Variants in ADNP observed in about 807,000 individuals in gnomAD.
ADNP encodes the protein activity dependent neuroprotector homeobox.
ADNP carries 4 observed loss-of-function variants against 84.9 expected under a neutral mutation model. The ratio of observed to expected loss-of-function variants is 0.05; its 90% confidence interval spans 0.02 to 0.11. The LOEUF is 0.11. Ranked by LOEUF, ADNP falls within the 10% of genes least tolerant of loss-of-function variation. ADNP has a pLI of 1.00. For missense variants in ADNP, 1,132 were observed against 1,326.0 expected (o/e 0.85, Z 2.27); for synonymous variants, 554 against 468.1 (o/e 1.18, Z -2.37).
Position 50,891,169 on chromosome 20 carries a change from T to C in ADNP, c.*236A>G, listed in dbSNP as rs1262840759. Reference sequence around the variant, plus strand: ...GCTTTTCCTCGTGTGTATTCATGAGTCACCAGCTTATTGGTTTTTCACATT... The same window carrying C: ...GCTTTTCCTCGTGTGTATTCATGAGCCACCAGCTTATTGGTTTTTCACATT... On this transcript the variant is annotated 3_prime_UTR_variant, in exon 6 of 6. Coordinates refer to ENST00000621696, the MANE Select transcript of ADNP (RefSeq NM_001282531.3). 5 of 1,298,668 alleles carry C rather than the reference T, an allele frequency of 3.9e-6. No homozygotes were observed. The highest frequency in any genetic ancestry group is 4.9e-6 in the Non-Finnish European group (5 of 1,027,298). The allele number at this position is 1,298,668 out of a possible 1,614,324, so 80.4% of individuals were successfully genotyped here.
chr20:50,899,964 C>G (rs1197643371), intron 5 of ADNP, among the ~76,000 whole-genome samples: 1 of 148,480 alleles, frequency 6.7e-6, no homozygotes, highest in East Asian at 2.0e-4. Flanking sequence ...GGGCAGGTTG[C>G]CGTGTTTGTG....
At chr20:50,901,400 G>A (rs1233376660) in intron 5 of ADNP, among the ~76,000 whole-genome samples, 4 of 143,398 alleles carry the variant, frequency 2.8e-5, no homozygotes, top group Non-Finnish European at 4.5e-5. Flanking sequence ...TAGATGAACA[G>A]ATCATTAATG....
rs1266832093 is a variant in ADNP, at chr20:50,931,250, C to G, written c.-689G>C. Reference sequence around the variant, plus strand: ...GGAGGGGGCACAAGATGGCGGCGGCCGGGGGGGGGGGGGCGGGAGTTCAGC... The same window carrying G: ...GGAGGGGGCACAAGATGGCGGCGGCGGGGGGGGGGGGGGCGGGAGTTCAGC... On this transcript the variant is annotated 5_prime_UTR_variant, in exon 1 of 6. Coordinates refer to ENST00000621696, the MANE Select transcript of ADNP (RefSeq NM_001282531.3). The G allele has an allele frequency of 5.0e-4, 8 of 16,146 alleles. 1 individual carries two copies. The highest frequency in any genetic ancestry group is 3.1e-3 in the African/African-American group (7 of 2,274). The allele number at this position is 16,146 out of a possible 1,614,324, so 1.0% of individuals were successfully genotyped here. A position where few individuals can be genotyped will look rare whatever the true frequency, so the allele number is the denominator to read the frequency against.
intron 2 of ADNP, among the ~76,000 whole-genome samples, chr20:50,910,369 C>T (rs915787863): frequency 6.6e-6 from 1 of 152,184 alleles, no homozygotes; most frequent in Non-Finnish European, 1.5e-5. Context: ...ATGTCTCACA[C>T]CCATAATCCC....
chr20:50,926,477 T>G (rs1984298523), intron 2 of ADNP, among the ~76,000 whole-genome samples: 1 of 152,226 alleles, frequency 6.6e-6, no homozygotes, highest in South Asian at 2.1e-4. Flanking sequence ...AATCTTTATT[T>G]CACTAAGATT....
intron 4 of ADNP, among the ~76,000 whole-genome samples, chr20:50,903,268 G>C (rs1361145595): frequency 1.3e-5 from 2 of 152,120 alleles, no homozygotes; most frequent in Non-Finnish European, 2.9e-5. Flanking sequence ...CCACTGCATG[G>C]CTATCCCACA....
At chr20:50,902,451 G>A (rs1436169257) in intron 4 of ADNP, among the ~76,000 whole-genome samples, 2 of 152,068 alleles carry the variant, frequency 1.3e-5, no homozygotes, top group Admixed American at 6.5e-5. Flanking sequence ...CTGGAATGGT[G>A]TCTAAAATAG....
chr20:50,919,291 G>GTATATATATATATATATATATATATA (rs199569280), intron 2 of ADNP, among the ~76,000 whole-genome samples: 1 of 77,214 alleles, frequency 1.3e-5, no homozygotes, highest in African/African-American at 4.8e-5. Flanking sequence ...ATATTTAAGT[G>GTATATATATATATATATATATATATA]TATATATATA....
intron 4 of ADNP, 21 bp downstream of exon 4, chr20:50,903,868 T>TA (rs766015223): frequency 1.3e-6 from 2 of 1,573,382 alleles, no homozygotes; most frequent in East Asian, 2.2e-5. Flanking sequence ...TGTTAAAATT[T>TA]AAAAATGACA....
chr20:50,892,971 G>A lies in ADNP; in HGVS notation c.1743C>T (p.Tyr581=). The stretch of plus-strand genomic sequence containing the variant: ...GAACTGGAGGATTATTTTGGGCATG[G>A]TAAGCAACAGATTCAGCTGGGGCAT... ...LRDAPAESVA[Y]HAQNNPPVPP... is the part of the protein sequence containing the mutation. Residue 581 remains tyrosine, a synonymous_variant, in exon 6 of 6, where the codon TAC becomes TAT. Coordinates refer to ENST00000621696, the MANE Select transcript of ADNP (RefSeq NM_001282531.3). 2 of 1,614,204 alleles carry A rather than the reference G, an allele frequency of 1.2e-6. No individual in the cohort carries two copies. The highest frequency in any genetic ancestry group is 1.3e-5 in the African/African-American group (1 of 75,046).
At chr20:50,930,611 AC>A (rs2123035772) in intron 1 of ADNP, among the ~76,000 whole-genome samples, 1 of 151,620 alleles carries the variant, frequency 6.6e-6, no homozygotes, top group Non-Finnish European at 1.5e-5. Flanking sequence ...AGGCGCCTGG[AC>A]CTCCGGAGCA....
intron 2 of ADNP, among the ~76,000 whole-genome samples, chr20:50,912,105 T>A (rs1983091856): frequency 1.3e-5 from 2 of 152,236 alleles, no homozygotes; most frequent in Admixed American, 6.5e-5. Flanking sequence ...GGATCCTTAC[T>A]TCTTCCTGGT....
intron 2 of ADNP, among the ~76,000 whole-genome samples, chr20:50,925,519 GACAA>G (rs1189207108): frequency 1.3e-5 from 2 of 152,088 alleles, no homozygotes; most frequent in African/African-American, 4.8e-5. Context: ...AACAGGATCA[GACAA>G]ACAACAAAAA....
At position 50,898,461 on chromosome 20, in the gene ADNP, A is replaced by AT. The variant is rs1981633585; in HGVS notation, c.201+3555dup. ...GTCATCAGAAGCTTGTGTGTGTCTG[A>AT]TAAAGGCCCTTCTTGAATTTTTGTT... is the stretch of plus-strand genomic sequence containing the variant. On this transcript the variant is annotated intron_variant, in intron 5 of 5. Transcript: ENST00000621696. Among the ~76,000 whole-genome samples the AT allele has an allele frequency of 2.0e-5, 3 of 152,318 alleles. No individual in the cohort carries two copies. In the South Asian group the frequency reaches 6.2e-4, roughly 32 times the overall value.
Position 50,891,756 on chromosome 20 carries a change from G to A in ADNP, c.2958C>T (p.Asp986=). The change falls in exon 6 of 6, where the codon GAC becomes GAT. Residue 986 remains aspartate (D), a synonymous_variant. Coordinates refer to ENST00000621696, the MANE Select transcript of ADNP (RefSeq NM_001282531.3). ...TTCCTGGTTTCATTTCGCAGGTATTGTCCTCAAAGTCTGACACTTGTTGGG... is the reference window on the plus strand; with the variant it reads ...TTCCTGGTTTCATTTCGCAGGTATTATCCTCAAAGTCTGACACTTGTTGGG... The part of the protein sequence containing the change: ...PGSQQVSDFE[D]NTCEMKPGTW... The A allele has an allele frequency of 6.2e-7, 1 of 1,614,076 alleles. No homozygotes were observed. Among genetic ancestry groups the A allele is most frequent in the South Asian group, 1.1e-5 (1 of 91,088 alleles).
chr20:50,898,288 A>T (rs918799300), intron 5 of ADNP, among the ~76,000 whole-genome samples: 1 of 152,140 alleles, frequency 6.6e-6, no homozygotes, highest in Non-Finnish European at 1.5e-5. Context: ...TGAATTGTTT[A>T]CACCACCCAG....
In ADNP at chr20:50,894,009, A is replaced by T; in HGVS notation, c.705T>A (p.Ala235=). 1.2e-6 allele frequency: 2 copies of T among 1,614,204 alleles called. No individual in the cohort carries two copies. The highest frequency in any genetic ancestry group is 1.7e-6 in the Non-Finnish European group (2 of 1,180,026). Residue 235 remains alanine (A), a synonymous_variant, in exon 6 of 6, where the codon GCT becomes GCA. Transcript: ENST00000621696. ...GGTCTTCGATGACATGCTGTACCAA[A>T]GCTTCATAGGACTTTGGCATGAAAA... The part of the protein sequence containing the change: ...RCLFMPKSYE[A]LVQHVIEDHE...
chr20:50,914,801 C>T (rs6020843), intron 2 of ADNP, among the ~76,000 whole-genome samples: 3,009 of 152,312 alleles, frequency 0.02, 84 homozygotes, highest in African/African-American at 0.069. Context: ...TACAGTTAAA[C>T]ATCCTAACTT....
At chr20:50,906,122 G>A (rs181146184) in intron 2 of ADNP, among the ~76,000 whole-genome samples, 1 of 152,180 alleles carries the variant, frequency 6.6e-6, no homozygotes, top group Non-Finnish European at 1.5e-5. Flanking sequence ...TGAGGCAGGA[G>A]AATCGCTTGA....
Sources: allele counts gnomAD v4.1 joint callset (sites outside exome capture counted in the v4.1 genomes callset), GRCh38; gene constraint gnomAD v4.1.1; transcripts MANE v1.5; gene names NCBI Gene and HGNC (gene_info 2026-07-23, HGNC 2026-07-21).